Variants in ADNP2 observed in about 807,000 individuals in gnomAD.
ADNP2 encodes ADNP homeobox 2.
A neutral mutation model predicts 16.4 loss-of-function variants in ADNP2; 8 were observed. The ratio of observed to expected loss-of-function variants is 0.49; its 90% confidence interval spans 0.29 to 0.88. The LOEUF is 0.88. Ranked by LOEUF, ADNP2 falls within the 40% of genes least tolerant of loss-of-function variation. ADNP2 has a pLI of 0.09. For missense variants in ADNP2, 1,397 were observed against 1,395.1 expected (o/e 1.00, Z -0.02); for synonymous variants, 637 against 545.8 (o/e 1.17, Z -2.33).
chr18:80,117,265 C>G (rs1369853896), intron 1 of ADNP2, among the ~76,000 whole-genome samples: 1 of 152,036 alleles, frequency 6.6e-6, no homozygotes, highest in Admixed American at 6.5e-5. Flanking sequence ...CTAAGGTCAT[C>G]AATGTTTATG....
rs2052541201 is a variant in ADNP2 at position 80,136,891 on chromosome 18, C to T, written c.1478C>T (p.Ala493Val). The change falls in exon 4 of 4, where the codon GCT becomes GTT. Residue 493 changes from alanine (A) to valine (V), a missense_variant. Coordinates refer to ENST00000262198, the MANE Select transcript of ADNP2 (RefSeq NM_014913.4). ...GGAGTTCTCCCTGTGGGCCAGACAG[C>T]TCCGTCACGGGTTCTTCCCCCAGGC... ...QSGVLPVGQT[A>V]PSRVLPPGQT... The T allele has an allele frequency of 6.2e-7, 1 of 1,613,872 alleles. No individual in the cohort carries two copies. Among genetic ancestry groups the T allele is most frequent in the Non-Finnish European group, 8.5e-7 (1 of 1,179,966 alleles).
At position 80,117,572 on chromosome 18, in the gene ADNP2, C is replaced by G. The variant is rs369140903; in HGVS notation, c.30C>G (p.Asp10Glu). ...TTCAAATTCCTGTGGAAAATCTTGA[C>G]AACATCAGAAAGGTGCGAAAAAAGG... is the stretch of plus-strand genomic sequence containing the variant. MFQIPVENLDNIRKVRKKVK... is the reference protein window; with the variant it reads MFQIPVENLENIRKVRKKVK... The change falls in exon 2 of 4, where the codon GAC becomes GAG. Residue 10 changes from aspartate (D) to glutamate (E), a missense_variant. This residue lies in a region of ADNP2 where 777 missense variants were observed against 719.4 expected (regional missense o/e 1.08). Coordinates refer to ENST00000262198, the MANE Select transcript of ADNP2 (RefSeq NM_014913.4). 8 of 1,594,912 alleles carry G rather than the reference C, an allele frequency of 5.0e-6. No homozygotes were observed. Among genetic ancestry groups the G allele is most frequent in the South Asian group, 1.1e-5 (1 of 87,274 alleles).
chr18:80,138,952 A>G lies in ADNP2; in HGVS notation c.*143A>G. On this transcript the variant is annotated 3_prime_UTR_variant, in exon 4 of 4. Coordinates refer to ENST00000262198, the MANE Select transcript of ADNP2 (RefSeq NM_014913.4). ...TCTGCAGAGTTACTTCAGGTGCTGG[A>G]GAGACCCCTGTTACCAGGAAGCCAG... is the stretch of plus-strand genomic sequence containing the variant. 1 of 692,368 alleles carries G rather than the reference A, an allele frequency of 1.4e-6. No individual in the cohort carries two copies. Among genetic ancestry groups the G allele is most frequent in the Non-Finnish European group, 2.2e-6 (1 of 465,020 alleles). 42.9% of individuals were successfully genotyped at this position (692,368 alleles called of 1,614,324 possible). A position where few individuals can be genotyped will look rare whatever the true frequency, so the allele number is the denominator to read the frequency against.
intron 1 of ADNP2, among the ~76,000 whole-genome samples, chr18:80,115,716 C>A (rs2052384731): frequency 6.6e-6 from 1 of 152,166 alleles, no homozygotes; most frequent in African/African-American, 2.4e-5. Flanking sequence ...CAGTTGAGTT[C>A]AGAACGAAGA....
At chr18:80,115,289 C>G (rs771252299) in intron 1 of ADNP2, among the ~76,000 whole-genome samples, 1 of 152,122 alleles carries the variant, frequency 6.6e-6, no homozygotes, top group African/African-American at 2.4e-5. Context: ...CTTTATATTC[C>G]GGCACAGGAT....
rs2052572260 is a variant in ADNP2 at position 80,140,171 on chromosome 18, TATA to T, written c.*1366_*1368del. ...ATGTTACTATGTGGATTTTAAAAAA[TATA>T]ATACTTGCATGTAATTGCTATAATG... On this transcript the variant is annotated 3_prime_UTR_variant, in exon 4 of 4. Coordinates refer to ENST00000262198, the MANE Select transcript of ADNP2 (RefSeq NM_014913.4). 6.6e-6 allele frequency: 1 copy of T among 152,358 alleles called. No individual in the cohort carries two copies. The highest frequency in any genetic ancestry group is 1.5e-5 in the Non-Finnish European group (1 of 68,040). 9.4% of individuals were successfully genotyped at this position (152,358 alleles called of 1,614,324 possible).
chr18:80,135,320 G>A (rs369256552), intron 3 of ADNP2, among the ~76,000 whole-genome samples: 8 of 152,204 alleles, frequency 5.3e-5, no homozygotes, highest in South Asian at 2.1e-4. Flanking sequence ...ATTGGTGTTT[G>A]TAAATAAAGT....
intron 1 of ADNP2, among the ~76,000 whole-genome samples, chr18:80,114,098 C>T: frequency 6.7e-6 from 1 of 150,254 alleles, no homozygotes; most frequent in Admixed American, 6.7e-5. Flanking sequence ...GAGGTTGAGG[C>T]AGGAGGATTG....
chr18:80,131,385 G>A (rs2052495234), intron 2 of ADNP2, among the ~76,000 whole-genome samples: 2 of 152,086 alleles, frequency 1.3e-5, no homozygotes, highest in African/African-American at 4.8e-5. Flanking sequence ...AACTTTTTGA[G>A]TGAAAAATGA....
intron 2 of ADNP2, among the ~76,000 whole-genome samples, chr18:80,128,718 G>A (rs1246666669): frequency 6.6e-6 from 1 of 152,082 alleles, no homozygotes; most frequent in Non-Finnish European, 1.5e-5. Flanking sequence ...TGTTAGTTCT[G>A]AATTGACTTG....
chr18:80,128,709 G>A (rs1471692704), intron 2 of ADNP2, among the ~76,000 whole-genome samples: 1 of 152,058 alleles, frequency 6.6e-6, no homozygotes, highest in African/African-American at 2.4e-5. Context: ...TCTTTTTCTT[G>A]TTAGTTCTGA....
At chr18:80,134,876 C>T (rs151046513) in intron 3 of ADNP2, among the ~76,000 whole-genome samples, 11 of 152,276 alleles carry the variant, frequency 7.2e-5, no homozygotes, top group Non-Finnish European at 7.4e-5. Context: ...ATGGGCCAAA[C>T]ACTGTCCATT....
At chr18:80,110,145 T>C (rs2052348491) in intron 1 of ADNP2, 1 of 152,226 alleles carries the variant, frequency 6.6e-6, no homozygotes, top group African/African-American at 2.4e-5. Flanking sequence ...ATATCAATAA[T>C]TGATATACAG....
intron 1 of ADNP2, among the ~76,000 whole-genome samples, chr18:80,112,603 A>T (rs1347704761): frequency 6.6e-6 from 1 of 152,184 alleles, no homozygotes; most frequent in Non-Finnish European, 1.5e-5. Flanking sequence ...GGAAAAAAAT[A>T]AAAAAGTGAC....
rs2052526299 is a variant in ADNP2 at position 80,135,597 on chromosome 18, C to T, written c.199-15C>T. ...TTTATTCAATTATGCTTAAGGCTTT[C>T]TTTTCTTTTAACAGAGATATCGAAC... On this transcript the variant is annotated splice_polypyrimidine_tract_variant and intron_variant, in intron 3 of 3. Transcript: ENST00000262198. The T allele has an allele frequency of 8.1e-6, 13 of 1,598,118 alleles. No individual in the cohort carries two copies. In the East Asian group the frequency reaches 1.3e-4, roughly 16 times the overall value.
chr18:80,138,431 G>C lies in ADNP2; in HGVS notation c.3018G>C (p.Pro1006=), dbSNP rs777943884. 8 of 1,613,908 alleles carry C rather than the reference G, an allele frequency of 5.0e-6. No homozygotes were observed. The highest frequency in any genetic ancestry group is 5.9e-6 in the Non-Finnish European group (7 of 1,180,044). Reference sequence around the variant, plus strand: ...CCATCCTAAATGCCGATGCAGCCCCGGGTCCAGAAAAGGTGACGAGTGTTG... The same window carrying C: ...CCATCCTAAATGCCGATGCAGCCCCCGGTCCAGAAAAGGTGACGAGTGTTG... ...QPPILNADAA[P]GPEKVTSVVP... The change falls in exon 4 of 4, where the codon CCG becomes CCC. Residue 1006 remains proline (P), a synonymous_variant. Coordinates refer to ENST00000262198, the MANE Select transcript of ADNP2 (RefSeq NM_014913.4).
At position 80,138,519 on chromosome 18, in the gene ADNP2, C is replaced by T. The variant is rs753018850; in HGVS notation, c.3106C>T (p.Leu1036Phe). 4 of 1,613,906 alleles carry T rather than the reference C, an allele frequency of 2.5e-6. No homozygotes were observed. The highest frequency in any genetic ancestry group is 2.2e-5 in the South Asian group (2 of 91,034). ...TEGPIVKDEA[L>F]QILALDPKKY... ...GGGACCTATTGTCAAGGACGAGGCT[C>T]TTCAGATTTTAGCATTAGATCCTAA... The change falls in exon 4 of 4, where the codon CTT becomes TTT. Residue 1036 changes from leucine (L) to phenylalanine (F), a missense_variant. This residue lies in a region of ADNP2 where 611 missense variants were observed against 648.7 expected (regional missense o/e 0.94). Coordinates refer to ENST00000262198, the MANE Select transcript of ADNP2 (RefSeq NM_014913.4).
chr18:80,118,687 G>A (rs760295160), intron 2 of ADNP2, among the ~76,000 whole-genome samples: 31 of 152,146 alleles, frequency 2.0e-4, no homozygotes, highest in African/African-American at 6.0e-4. Flanking sequence ...AGAGTCCTTT[G>A]TTTTTGACTT....
Position 80,137,062 on chromosome 18 carries a change from T to C in ADNP2, c.1649T>C (p.Val550Ala). 6.2e-7 allele frequency: 1 copy of C among 1,614,024 alleles called. No homozygotes were observed. Among genetic ancestry groups the C allele is most frequent in the Non-Finnish European group, 8.5e-7 (1 of 1,179,976 alleles). The change falls in exon 4 of 4, where the codon GTG becomes GCG. Residue 550 changes from valine to alanine, a missense_variant. Physicochemically the swap from Val to Ala is moderately conservative, Grantham distance 64. Transcript: ENST00000262198. The surrounding 1 kb of genome is among the most constrained non-coding windows in gnomAD (Gnocchi z 4.2). ...GTTCTGCAGCTTAGTCAGCCTGTTG[T>C]GTCGGGAGTTCTTCCTGTGGGCCAG... is the stretch of plus-strand genomic sequence containing the variant. ...SGVLQLSQPV[V>A]SGVLPVGQPV...
Sources: gnomAD v4.1 joint callset for allele counts (sites outside exome capture counted in the v4.1 genomes callset) on GRCh38, gnomAD v4.1.1 for gene constraint, gnomAD v4.1.1 regional missense constraint, Gnocchi (gnomAD v3.1) non-coding constraint, MANE v1.5 for transcripts, NCBI Gene and HGNC (gene_info 2026-07-23, HGNC 2026-07-21) for gene names.